Variants in SUPT3H observed in about 807,000 individuals in gnomAD.
SUPT3H encodes SPT3 homolog, SAGA and STAGA complex component.
A neutral mutation model predicts 44.3 loss-of-function variants in SUPT3H; 44 were observed. That is an observed-to-expected ratio of 0.99 (90% CI 0.78 to 1.28). SUPT3H has a LOEUF of 1.28. Among genes scored for constraint, SUPT3H ranks in the 50% most tolerant of loss-of-function variants. The pLI, the probability that SUPT3H is intolerant of heterozygous loss-of-function variation, is 0.00. For synonymous variants in SUPT3H, 124 were observed against 125.6 expected (o/e 0.99, Z 0.09); for missense variants, 380 against 387.1 (o/e 0.98, Z 0.15).
At chr6:45,217,147 C>T (rs1765195716) in intron 2 of SUPT3H, among the ~76,000 whole-genome samples, 1 of 151,872 alleles carries the variant, frequency 6.6e-6, no homozygotes, top group South Asian at 2.1e-4. Flanking sequence ...TGTAAAGAGA[C>T]CTAAATAAAA....
chr6:44,978,435 C>T (rs374634648), intron 6 of SUPT3H, among the ~76,000 whole-genome samples: 74 of 152,214 alleles, frequency 4.9e-4, no homozygotes, highest in African/African-American at 1.7e-3. Flanking sequence ...AAAGCCCATG[C>T]TCTGGTCATA....
chr6:45,135,420 A>G (rs1468810675), intron 2 of SUPT3H, among the ~76,000 whole-genome samples: 1 of 152,110 alleles, frequency 6.6e-6, no homozygotes, highest in Non-Finnish European at 1.5e-5. Context: ...TTCTCTTTCA[A>G]TTATAAATTA....
At chr6:45,274,823 G>T (rs1232228222) in intron 2 of SUPT3H, among the ~76,000 whole-genome samples, 2 of 152,132 alleles carry the variant, frequency 1.3e-5, no homozygotes. Context: ...GGTCGAGACT[G>T]CAGTGAGCCA....
At chr6:45,118,412 T>C (rs1801138049) in intron 2 of SUPT3H, among the ~76,000 whole-genome samples, 2 of 152,082 alleles carry the variant, frequency 1.3e-5, no homozygotes, top group African/African-American at 4.8e-5. Flanking sequence ...AATAAAACAG[T>C]AATTAAGACC....
intron 10 of SUPT3H, among the ~76,000 whole-genome samples, chr6:44,869,368 C>CTAAA (rs1775993337): frequency 1.3e-5 from 2 of 152,096 alleles, no homozygotes; most frequent in Non-Finnish European, 2.9e-5. Context: ...ATGCATGCTG[C>CTAAA]TAAATGCTGG....
At chr6:44,919,916 T>C (rs979923210) in intron 10 of SUPT3H, among the ~76,000 whole-genome samples, 1 of 152,148 alleles carries the variant, frequency 6.6e-6, no homozygotes, top group African/African-American at 2.4e-5. Context: ...TCTTGCTCTG[T>C]TGCCCAGGGT....
At chr6:44,999,611 T>C (rs1424926411) in intron 6 of SUPT3H, among the ~76,000 whole-genome samples, 1 of 152,060 alleles carries the variant, frequency 6.6e-6, no homozygotes, top group Non-Finnish European at 1.5e-5. Flanking sequence ...TGCTCATTTA[T>C]AAAACATTAT....
At chr6:44,981,220 GA>G (rs1779051137) in intron 6 of SUPT3H, among the ~76,000 whole-genome samples, 1 of 152,112 alleles carries the variant, frequency 6.6e-6, no homozygotes, top group Non-Finnish European at 1.5e-5. Flanking sequence ...CAAGGAACTT[GA>G]AAGTAACAGA....
chr6:44,913,497 C>CA (rs757324996), intron 10 of SUPT3H, among the ~76,000 whole-genome samples: 3 of 152,260 alleles, frequency 2.0e-5, no homozygotes, highest in South Asian at 2.1e-4. Context: ...AGAATGTAGA[C>CA]AACTACAGTC....
chr6:45,278,046 T>C (rs964238073), intron 2 of SUPT3H, among the ~76,000 whole-genome samples: 1 of 150,004 alleles, frequency 6.7e-6, no homozygotes, highest in South Asian at 2.1e-4. Flanking sequence ...AAACACTACA[T>C]GTTCTCACGC....
chr6:45,207,242 G>T (rs1400999934), intron 2 of SUPT3H, among the ~76,000 whole-genome samples: 1 of 152,070 alleles, frequency 6.6e-6, no homozygotes, highest in Admixed American at 6.6e-5. Flanking sequence ...TAAAGAGGAG[G>T]GTGAACAACT....
chr6:45,101,618 T>A (rs1407080785), intron 3 of SUPT3H, among the ~76,000 whole-genome samples: 1 of 152,210 alleles, frequency 6.6e-6, no homozygotes, highest in Non-Finnish European at 1.5e-5. Flanking sequence ...ATTTATTGTA[T>A]ATTTCCAAAT....
At chr6:44,980,245 TAA>T (rs759022169) in intron 6 of SUPT3H, among the ~76,000 whole-genome samples, 30 of 128,814 alleles carry the variant, frequency 2.3e-4, no homozygotes, top group African/African-American at 2.0e-4. Flanking sequence ...ACCCTTTCTC[TAA>T]AAAAAAAAAA....
intron 6 of SUPT3H, among the ~76,000 whole-genome samples, chr6:44,975,884 G>C (rs1487807126): frequency 1.3e-5 from 2 of 152,082 alleles, no homozygotes; most frequent in African/African-American, 4.8e-5. Context: ...AGTATGTCAT[G>C]CTCCAGTAAG....
At chr6:44,954,280 A>T (rs376360040) in intron 8 of SUPT3H, among the ~76,000 whole-genome samples, 1 of 152,212 alleles carries the variant, frequency 6.6e-6, no homozygotes, top group African/African-American at 2.4e-5. Flanking sequence ...ATTAAGATAA[A>T]GGTACAAGAA....
chr6:45,204,271 G>GAAGAAGAAGAAGAAGAAT (rs1346470905), intron 2 of SUPT3H, among the ~76,000 whole-genome samples: 2 of 151,652 alleles, frequency 1.3e-5, no homozygotes, highest in Non-Finnish European at 2.9e-5. Context: ...AGAAGAAGAA[G>GAAGAAGAAGAAGAAGAAT]AAGAAGAAGA....
intron 2 of SUPT3H, among the ~76,000 whole-genome samples, chr6:45,248,049 AC>A (rs1346291740): frequency 6.6e-6 from 1 of 152,168 alleles, no homozygotes. Context: ...ATTGACCCAT[AC>A]TTTACAACTT....
At chr6:45,028,118 T>C (rs1326253513) in intron 3 of SUPT3H, among the ~76,000 whole-genome samples, 1 of 152,220 alleles carries the variant, frequency 6.6e-6, no homozygotes, top group Non-Finnish European at 1.5e-5. Context: ...ATTTCTATTG[T>C]CTGTTTTTTG....
At chr6:45,177,457 A>T (rs1293816605) in intron 2 of SUPT3H, among the ~76,000 whole-genome samples, 1 of 152,224 alleles carries the variant, frequency 6.6e-6, no homozygotes, top group African/African-American at 2.4e-5. Context: ...TGTACTTGAA[A>T]GTGACGGGGA....
Sources: gnomAD v4.1 joint callset for allele counts (sites outside exome capture counted in the v4.1 genomes callset) on GRCh38, gnomAD v4.1.1 for gene constraint, MANE v1.5 for transcripts, NCBI Gene and HGNC (gene_info 2026-07-23, HGNC 2026-07-21) for gene names.